Variants in CDH4 observed in about 807,000 individuals in gnomAD.
CDH4 encodes the protein cadherin 4.
A neutral mutation model predicts 86.0 loss-of-function variants in CDH4; 33 were observed. The ratio of observed to expected loss-of-function variants is 0.38; its 90% CI spans 0.29 to 0.51. The LOEUF is 0.51. Among genes scored for constraint, CDH4 ranks in the 20% least tolerant of loss-of-function variants. The pLI, the probability that CDH4 is intolerant of heterozygous loss-of-function variation, is 0.86. For synonymous variants in CDH4, 555 were observed against 549.4 expected (o/e 1.01, Z -0.14); for missense variants, 1,114 against 1,307.4 (o/e 0.85, Z 2.28).
At chr20:61,256,751 C>T (rs1236976369) in intron 2 of CDH4, among the ~76,000 whole-genome samples, 1 of 152,212 alleles carries the variant, frequency 6.6e-6, no homozygotes, top group African/African-American at 2.4e-5. Flanking sequence ...AGAGAATCTC[C>T]CAAGCACCTG....
chr20:61,820,648 G>A (rs867227708), intron 4 of CDH4, among the ~76,000 whole-genome samples: 2 of 152,196 alleles, frequency 1.3e-5, no homozygotes, highest in South Asian at 4.1e-4. Context: ...TGCCAGCATC[G>A]CCGCCCCCCA....
intron 2 of CDH4, among the ~76,000 whole-genome samples, chr20:61,403,282 T>A (rs1190635099): frequency 6.6e-6 from 1 of 152,224 alleles, no homozygotes; most frequent in Non-Finnish European, 1.5e-5. Flanking sequence ...ATTTTGGGCT[T>A]CACTTACAGG....
intron 5 of CDH4, among the ~76,000 whole-genome samples, chr20:61,845,697 C>T (rs999974994): frequency 4.6e-5 from 7 of 152,214 alleles, no homozygotes; most frequent in Non-Finnish European, 8.8e-5. Flanking sequence ...CTGAGGACTC[C>T]AGGGTTAACC....
rs2086231810 is a variant in CDH4, at chr20:61,562,923, C to T, written c.170-180640C>T. On this transcript the variant is annotated intron_variant, in intron 2 of 15. Coordinates refer to ENST00000614565, the MANE Select transcript of CDH4 (RefSeq NM_001794.5). ...GGCTCCTGAAGCAGCAACAGGACCCCCTGGGATCTCAGCCCAGGGATGCTG... is the reference window on the plus strand; with the variant it reads ...GGCTCCTGAAGCAGCAACAGGACCCTCTGGGATCTCAGCCCAGGGATGCTG... Among the ~76,000 whole-genome samples, 3 of 152,170 alleles carry T rather than the reference C, an allele frequency of 2.0e-5. No homozygotes were observed. The South Asian group carries it at 6.2e-4, about 32-fold the overall frequency.
chr20:61,481,284 C>T (rs77909892), intron 2 of CDH4, among the ~76,000 whole-genome samples: 36 of 152,282 alleles, frequency 2.4e-4, no homozygotes, highest in Non-Finnish European at 5.0e-4. Context: ...GAACGTCCTG[C>T]AACACCCAGG....
chr20:61,657,458 G>A (rs187300505), intron 2 of CDH4, among the ~76,000 whole-genome samples: 10 of 152,336 alleles, frequency 6.6e-5, no homozygotes, highest in East Asian at 3.9e-4. Context: ...TAATAATGCC[G>A]AGCTTAACCT....
intron 2 of CDH4, among the ~76,000 whole-genome samples, chr20:61,343,382 G>A (rs912094649): frequency 2.0e-5 from 3 of 152,240 alleles, no homozygotes; most frequent in Non-Finnish European, 4.4e-5. Context: ...TGGGAGCCAG[G>A]AACATGAAAA....
chr20:61,434,192 G>A (rs1445682491), intron 2 of CDH4, among the ~76,000 whole-genome samples: 1 of 152,166 alleles, frequency 6.6e-6, no homozygotes, highest in Non-Finnish European at 1.5e-5. Context: ...TTTACCCCTG[G>A]ATAATGGCCC....
At chr20:61,854,540 TTG>T (rs1288813076) in intron 6 of CDH4, among the ~76,000 whole-genome samples, 5 of 143,140 alleles carry the variant, frequency 3.5e-5, no homozygotes, top group Admixed American at 6.9e-5. Context: ...ACAGGGTGAA[TTG>T]TGCCTTTGGC....
intron 7 of CDH4, among the ~76,000 whole-genome samples, chr20:61,888,222 C>T (rs1450093644): frequency 1.3e-5 from 2 of 152,182 alleles, no homozygotes; most frequent in Non-Finnish European, 2.9e-5. Context: ...AATGAGACTC[C>T]GCAGGCAGGA....
At chr20:61,435,192 A>G (rs1422239605) in intron 2 of CDH4, among the ~76,000 whole-genome samples, 1 of 152,220 alleles carries the variant, frequency 6.6e-6, no homozygotes, top group African/African-American at 2.4e-5. Context: ...TTCCGTAGTA[A>G]CAGGGACTGA....
intron 3 of CDH4, among the ~76,000 whole-genome samples, chr20:61,764,912 G>A (rs896073872): frequency 6.6e-5 from 10 of 152,210 alleles, no homozygotes; most frequent in South Asian, 4.1e-4. Flanking sequence ...TGCCGCCTCC[G>A]TAAATCACCA....
At chr20:61,278,612 C>G (rs2084242311) in intron 2 of CDH4, among the ~76,000 whole-genome samples, 1 of 152,246 alleles carries the variant, frequency 6.6e-6, no homozygotes, top group Non-Finnish European at 1.5e-5. Context: ...CCTTTAGAGT[C>G]TCCCTGAAGT....
At chr20:61,383,140 AT>A (rs545114373) in intron 2 of CDH4, among the ~76,000 whole-genome samples, 16 of 88,644 alleles carry the variant, frequency 1.8e-4, no homozygotes, top group African/African-American at 4.0e-4. Flanking sequence ...TATTATATAT[AT>A]GAATATATAT....
intron 2 of CDH4, among the ~76,000 whole-genome samples, chr20:61,313,842 T>A (rs557270936): frequency 7.9e-5 from 12 of 152,290 alleles, no homozygotes; most frequent in African/African-American, 2.9e-4. Flanking sequence ...CCTCTAGTGA[T>A]CCTCCCACCT....
intron 2 of CDH4, among the ~76,000 whole-genome samples, chr20:61,315,999 G>C (rs1012484365): frequency 1.3e-5 from 2 of 152,138 alleles, no homozygotes; most frequent in African/African-American, 4.8e-5. Flanking sequence ...ATTTCCACAG[G>C]GCCCTGGAAG....
rs866479285 is a variant in CDH4, at chr20:61,719,103, C to T, written c.170-24460C>T. On this transcript the variant is annotated intron_variant, in intron 2 of 15. Coordinates refer to ENST00000614565, the MANE Select transcript of CDH4 (RefSeq NM_001794.5). ...CGAAAGCAAATGATCAAAATCGTAT[C>T]CCAGCCTCTTCATGTCACCTGCAGC... The T allele has an allele frequency of 1.7e-5, 8 of 471,144 alleles. No individual in the cohort carries two copies. In the Admixed American group the frequency reaches 1.9e-4, roughly 11 times the overall value. The allele number at this position is 471,144 out of a possible 1,614,324, so 29.2% of individuals were successfully genotyped here.
At chr20:61,329,855 TCC>T (rs58154497) in intron 2 of CDH4, among the ~76,000 whole-genome samples, 1 of 98,972 alleles carries the variant, frequency 1.0e-5, no homozygotes, top group African/African-American at 3.7e-5. Context: ...CCCCACCCCA[TCC>T]CCCGACAGGC....
chr20:61,334,077 C>G (rs906041727), intron 2 of CDH4, among the ~76,000 whole-genome samples: 1 of 152,198 alleles, frequency 6.6e-6, no homozygotes, highest in Admixed American at 6.5e-5. Flanking sequence ...CTGTGCAGCT[C>G]TGGTCACCCC....
Sources: gnomAD v4.1 joint callset for allele counts (sites outside exome capture counted in the v4.1 genomes callset) on GRCh38, gnomAD v4.1.1 for gene constraint, MANE v1.5 for transcripts, NCBI Gene and HGNC (gene_info 2026-07-23, HGNC 2026-07-21) for gene names.